The following DGKB variants were observed in gnomAD, a reference collection of about 807,000 sequenced individuals.
The protein encoded by DGKB is 90 kDa diacylglycerol kinase.
A neutral mutation model predicts 114.3 loss-of-function variants in DGKB; 67 were observed. That is an observed-to-expected ratio of 0.59 (90% CI 0.48 to 0.72). The LOEUF (loss-of-function observed/expected upper bound fraction) is 0.72, where lower values mean the gene tolerates loss of function less well. DGKB is among the 30% of genes least tolerant of loss of function. DGKB has a pLI of 0.00. For synonymous variants in DGKB, 398 were observed against 323.1 expected, an observed-to-expected ratio of 1.23 and a Z score of -2.49; for missense variants, 907 against 975.2, an observed-to-expected ratio of 0.93 and a Z score of 0.93.
chr7:14,757,773 A>T (rs1421253325), intron 2 of DGKB, 42 bp from the exon 3 acceptor site: 2 of 1,143,396 alleles, frequency 1.7e-6, no homozygotes. Context: ...ATATGCACAT[A>T]CTGTGGTTGT....
Position 14,583,037 on chromosome 7 carries a change from A to T in DGKB, c.1519+15T>A. Reference sequence around the variant, plus strand: ...TGCTCTCTCCCCAGCCATATTAAGTATGTGTCTGCATTACCTATGCAATCC... The same window carrying T: ...TGCTCTCTCCCCAGCCATATTAAGTTTGTGTCTGCATTACCTATGCAATCC... On this transcript the variant is annotated intron_variant, in intron 18 of 25. Coordinates refer to ENST00000402815, the MANE Select transcript of DGKB (RefSeq NM_001350709.2). 6.5e-7 allele frequency: 1 copy of T among 1,545,836 alleles called. No individual in the cohort carries two copies. The highest frequency in any genetic ancestry group is 8.9e-7 in the Non-Finnish European group (1 of 1,118,258).
intron 1 of DGKB, among the ~76,000 whole-genome samples, chr7:14,928,478 A>T (rs1472029879): frequency 1.3e-5 from 2 of 151,928 alleles, no homozygotes; most frequent in African/African-American, 4.8e-5. Context: ...TTTCACAAAT[A>T]AATACTTTTT....
intron 6 of DGKB, among the ~76,000 whole-genome samples, chr7:14,705,324 G>C (rs1288100080): frequency 6.7e-6 from 1 of 149,114 alleles, no homozygotes; most frequent in Non-Finnish European, 1.5e-5. Context: ...TATGTGAAAA[G>C]ACCAAATCTA....
At chr7:14,919,682 T>C (rs948185425) in intron 1 of DGKB, among the ~76,000 whole-genome samples, 1 of 152,104 alleles carries the variant, frequency 6.6e-6, no homozygotes, top group Admixed American at 6.5e-5. Flanking sequence ...TAAAGGGAAA[T>C]GAGCTATTAA....
intron 21 of DGKB, among the ~76,000 whole-genome samples, chr7:14,346,045 A>C (rs1470561322): frequency 1.3e-5 from 2 of 151,582 alleles, no homozygotes; most frequent in East Asian, 3.9e-4. Flanking sequence ...TTGATTATGC[A>C]TAATTCTAAT....
intron 1 of DGKB, among the ~76,000 whole-genome samples, chr7:14,882,835 TTATCTTATCTTACCC>T (rs1422262535): frequency 6.6e-6 from 1 of 152,020 alleles, no homozygotes; most frequent in Admixed American, 6.6e-5. Context: ...TTATCTTATC[TTATCTTATCTTACCC>T]TATCTTATCT....
intron 17 of DGKB, among the ~76,000 whole-genome samples, chr7:14,584,019 G>A (rs143845078): frequency 1.3e-3 from 196 of 152,132 alleles, no homozygotes; most frequent in African/African-American, 4.5e-3. Context: ...ACAAATTTTC[G>A]TACATAAATC....
intron 23 of DGKB, among the ~76,000 whole-genome samples, chr7:14,256,689 G>A (rs1024540367): frequency 6.6e-6 from 1 of 152,082 alleles, no homozygotes; most frequent in Admixed American, 6.6e-5. Flanking sequence ...TGAGAGATTA[G>A]GATACTCAGT....
At chr7:14,252,231 C>T (rs1457698277) in intron 23 of DGKB, among the ~76,000 whole-genome samples, 1 of 152,124 alleles carries the variant, frequency 6.6e-6, no homozygotes, top group Non-Finnish European at 1.5e-5. Flanking sequence ...TTACCCAGAT[C>T]AAGTCTGCTG....
intron 1 of DGKB, among the ~76,000 whole-genome samples, chr7:14,926,500 G>GTT (rs1290223781): frequency 1.5e-5 from 2 of 137,646 alleles, no homozygotes; most frequent in Middle Eastern, 3.4e-3. Flanking sequence ...AGTGTTTTTT[G>GTT]TTTTTTTTTT....
chr7:14,972,934 T>C (rs978099275), intron 1 of DGKB, among the ~76,000 whole-genome samples: 2 of 152,030 alleles, frequency 1.3e-5, no homozygotes, highest in Non-Finnish European at 2.9e-5. Flanking sequence ...AGAAAGTGGG[T>C]TAACGTTATA....
chr7:14,710,795 T>C (rs1313808668), intron 6 of DGKB, among the ~76,000 whole-genome samples: 1 of 152,136 alleles, frequency 6.6e-6, no homozygotes, highest in East Asian at 1.9e-4. Context: ...TGTGGCATAA[T>C]ACATTGTTTC....
chr7:14,845,825 C>T (rs966193675), intron 1 of DGKB, among the ~76,000 whole-genome samples: 4 of 147,320 alleles, frequency 2.7e-5, no homozygotes, highest in African/African-American at 5.0e-5. Flanking sequence ...ACTGAATGGG[C>T]ATTAAAAAAA....
At chr7:14,593,358 A>G (rs948203853) in intron 17 of DGKB, among the ~76,000 whole-genome samples, 11 of 152,056 alleles carry the variant, frequency 7.2e-5, no homozygotes, top group Non-Finnish European at 1.5e-4. Context: ...AAAGTGAGTT[A>G]GAAATGAAAG....
intron 21 of DGKB, among the ~76,000 whole-genome samples, chr7:14,444,671 T>C (rs1830503553): frequency 6.6e-6 from 1 of 151,920 alleles, no homozygotes; most frequent in Non-Finnish European, 1.5e-5. Context: ...CAGACATTTT[T>C]ATCCTCAAAG....
In DGKB at chr7:14,655,191, A is replaced by T. The variant is rs1815510851; in HGVS notation, c.1134+17738T>A. 2.6e-5 allele frequency among the ~76,000 whole-genome samples: 4 copies of T among 151,838 alleles called. No individual in the cohort carries two copies. In the South Asian group the frequency reaches 8.3e-4, roughly 31 times the overall value. On this transcript the variant is annotated intron_variant, in intron 13 of 25. Transcript: ENST00000402815. The stretch of plus-strand genomic sequence containing the variant: ...GAACTCAAACAACTTAACAGCAATA[A>T]TAATAATGGTAATAATCCCATTAAG...
chr7:14,601,355 G>C (rs900363272), intron 17 of DGKB, among the ~76,000 whole-genome samples: 1 of 152,042 alleles, frequency 6.6e-6, no homozygotes, highest in Non-Finnish European at 1.5e-5. Context: ...TGATGGGAGT[G>C]GCAGCCTTGA....
intron 22 of DGKB, among the ~76,000 whole-genome samples, chr7:14,342,984 G>A (rs969056100): frequency 1.3e-5 from 2 of 151,716 alleles, no homozygotes; most frequent in African/African-American, 2.4e-5. Context: ...AACCATAGTA[G>A]GTATAATTTT....
intron 20 of DGKB, among the ~76,000 whole-genome samples, chr7:14,497,332 G>A (rs890758331): frequency 1.3e-5 from 2 of 151,652 alleles, no homozygotes; most frequent in Non-Finnish European, 1.5e-5. Context: ...CTTCTAAAGA[G>A]ATTAAAATAA....
Sources: allele counts gnomAD v4.1 joint callset (sites outside exome capture counted in the v4.1 genomes callset), GRCh38; gene constraint gnomAD v4.1.1; transcripts MANE v1.5; gene names NCBI Gene and HGNC (gene_info 2026-07-23, HGNC 2026-07-21).